ADAM22: variants seen among roughly 807,000 people sequenced by gnomAD.
ADAM22 encodes the protein ADAM metallopeptidase domain 22, also known as disintegrin and metalloproteinase domain-containing protein 22.
In ADAM22, 65 loss-of-function variants were observed where a neutral mutation model predicts 144.6. That is an observed-to-expected ratio of 0.45 (90% CI 0.37 to 0.55). The LOEUF (loss-of-function observed/expected upper bound fraction) is 0.55, where lower values mean the gene tolerates loss of function less well. ADAM22 is among the 20% of genes least tolerant of loss of function. ADAM22 has a pLI of 0.00. For synonymous variants in ADAM22, 391 were observed against 412.6 expected, an observed-to-expected ratio of 0.95 and a Z score of 0.63; for missense variants, 974 against 1,184.9, an observed-to-expected ratio of 0.82 and a Z score of 2.61.
chr7:88,138,225 A>C (rs1309351286), intron 14 of ADAM22, among the ~76,000 whole-genome samples: 1 of 152,230 alleles, frequency 6.6e-6, no homozygotes, highest in Non-Finnish European at 1.5e-5. Flanking sequence ...AGGAAATGAT[A>C]AAAGTTCTAT....
chr7:88,053,473 A>G (rs1305327121), intron 3 of ADAM22, among the ~76,000 whole-genome samples: 1 of 146,148 alleles, frequency 6.8e-6, no homozygotes, highest in Non-Finnish European at 1.6e-5. Context: ...TCTCTCTCAA[A>G]ATAATAATAA....
rs1184132930 is a variant in ADAM22 at position 88,197,192 on chromosome 7, A to G, written c.*701A>G. On this transcript the variant is annotated 3_prime_UTR_variant, in exon 32 of 32. Transcript: ENST00000413139. ...GCCAAATGCCTAAAAATTCCGTCAC[A>G]ATCACATCATCGTCATCCATCCAGT... is the stretch of plus-strand genomic sequence containing the variant. The G allele has an allele frequency of 6.6e-6, 1 of 152,404 alleles. No individual in the cohort carries two copies. 9.4% of individuals were successfully genotyped at this position (152,404 alleles called of 1,614,324 possible). A position where few individuals can be genotyped will look rare whatever the true frequency, so the allele number is the denominator to read the frequency against.
In ADAM22 at chr7:88,196,803, C is replaced by A; in HGVS notation, c.*312C>A. On this transcript the variant is annotated 3_prime_UTR_variant, in exon 32 of 32. Coordinates refer to ENST00000413139, the MANE Select transcript of ADAM22 (RefSeq NM_001324418.2). ...TAGAAATATTCATAAAGTTAACTCA[C>A]ATGACCCAAATGTAGCAAGTTTCCT... 2.8e-6 allele frequency: 1 copy of A among 351,608 alleles called. No homozygotes were observed. 21.8% of individuals were successfully genotyped at this position (351,608 alleles called of 1,614,324 possible). A position where few individuals can be genotyped will look rare whatever the true frequency, so the allele number is the denominator to read the frequency against.
Position 88,130,472 on chromosome 7 carries a change from C to T in ADAM22, c.825+13C>T. 1 of 1,607,620 alleles carries T rather than the reference C, an allele frequency of 6.2e-7. No homozygotes were observed. The highest frequency in any genetic ancestry group is 8.5e-7 in the Non-Finnish European group (1 of 1,174,804). ...CATGGCAGATTTAGTAAGTATCAAC[C>T]CCGTTCATTATTGCCCTAGAAGATT... On this transcript the variant is annotated intron_variant, in intron 10 of 31. Transcript: ENST00000413139.
At chr7:88,122,513 G>T (rs541805533) in intron 7 of ADAM22, among the ~76,000 whole-genome samples, 1 of 152,242 alleles carries the variant, frequency 6.6e-6, no homozygotes, top group Non-Finnish European at 1.5e-5. Context: ...CCTTTTACCT[G>T]CAAAATACAT....
At chr7:87,984,406 A>C (rs1315079664) in intron 3 of ADAM22, among the ~76,000 whole-genome samples, 1 of 152,162 alleles carries the variant, frequency 6.6e-6, no homozygotes, top group Non-Finnish European at 1.5e-5. Context: ...CCAATGGGAA[A>C]GCTGACTAGT....
intron 3 of ADAM22, among the ~76,000 whole-genome samples, chr7:88,027,392 TAC>T (rs1391274767): frequency 6.6e-6 from 1 of 152,200 alleles, no homozygotes; most frequent in Non-Finnish European, 1.5e-5. Flanking sequence ...ACTTTTTAAT[TAC>T]AGTTTTGATC....
At chr7:87,996,319 A>G (rs563950080) in intron 3 of ADAM22, among the ~76,000 whole-genome samples, 117 of 152,366 alleles carry the variant, frequency 7.7e-4, no homozygotes, top group African/African-American at 2.5e-3. Flanking sequence ...TATTCCTTAC[A>G]GATCCAAAGG....
intron 2 of ADAM22, among the ~76,000 whole-genome samples, chr7:87,967,672 G>GT (rs1163515439): frequency 6.6e-6 from 1 of 151,898 alleles, no homozygotes; most frequent in Admixed American, 6.6e-5. Context: ...GCCAGGTATG[G>GT]TGGCGTGTGC....
intron 3 of ADAM22, among the ~76,000 whole-genome samples, chr7:87,991,459 C>T (rs569409866): frequency 8.7e-5 from 13 of 149,766 alleles, no homozygotes; most frequent in Admixed American, 6.7e-4. Context: ...CTCTGCTTCC[C>T]GGGTTCACGC....
chr7:87,972,542 C>A (rs1471946713), intron 2 of ADAM22, among the ~76,000 whole-genome samples: 2 of 152,184 alleles, frequency 1.3e-5, no homozygotes, highest in Non-Finnish European at 2.9e-5. Context: ...CCATCCCCAT[C>A]AAGCTACCAA....
At chr7:88,039,619 G>T (rs1277265977) in intron 3 of ADAM22, among the ~76,000 whole-genome samples, 1 of 150,050 alleles carries the variant, frequency 6.7e-6, no homozygotes, top group East Asian at 2.0e-4. Context: ...GCATGTGTGT[G>T]TGTGTGTGTC....
At chr7:87,992,362 C>G (rs1790113117) in intron 3 of ADAM22, among the ~76,000 whole-genome samples, 1 of 152,204 alleles carries the variant, frequency 6.6e-6, no homozygotes, top group Non-Finnish European at 1.5e-5. Flanking sequence ...GTTGGTGACT[C>G]CACTAACAAA....
At chr7:88,158,680 G>C (rs1402928741) in intron 22 of ADAM22, among the ~76,000 whole-genome samples, 1 of 151,898 alleles carries the variant, frequency 6.6e-6, no homozygotes, top group Non-Finnish European at 1.5e-5. Context: ...ATGAAATTAA[G>C]GCAGAAATCA....
At chr7:88,192,969 G>T in intron 30 of ADAM22, 147 bp from the exon 31 acceptor site, 1 of 884,584 alleles carries the variant, frequency 1.1e-6, no homozygotes, top group Non-Finnish European at 1.7e-6. Context: ...TGTTGAGAAT[G>T]ACAGAATATC....
chr7:88,072,760 A>G (rs1434166247), intron 3 of ADAM22, among the ~76,000 whole-genome samples: 1 of 152,176 alleles, frequency 6.6e-6, no homozygotes, highest in East Asian at 1.9e-4. Flanking sequence ...GCTGATAAAC[A>G]TGCCTCTGTA....
intron 7 of ADAM22, among the ~76,000 whole-genome samples, chr7:88,119,031 T>C (rs1458433461): frequency 6.6e-6 from 1 of 152,254 alleles, no homozygotes; most frequent in Non-Finnish European, 1.5e-5. Context: ...TGTTATGTTT[T>C]ATATATTTCC....
At chr7:88,155,766 G>A in intron 21 of ADAM22, 121 bp from the exon 22 acceptor site, 1 of 1,143,390 alleles carries the variant, frequency 8.7e-7, no homozygotes, top group South Asian at 1.8e-5. Flanking sequence ...ATTTCACTTG[G>A]CATATGAGTA....
rs529737324 is a variant in ADAM22, at chr7:88,143,558, A to G, written c.1320+433A>G. Among the ~76,000 whole-genome samples the G allele has an allele frequency of 7.2e-5, 11 of 152,326 alleles. 1 individual carries two copies. The highest frequency in any genetic ancestry group is 3.4e-3 in the Middle Eastern group (1 of 294). On this transcript the variant is annotated intron_variant, in intron 15 of 31. Coordinates refer to ENST00000413139, the MANE Select transcript of ADAM22 (RefSeq NM_001324418.2). Reference sequence around the variant, plus strand: ...TCTGAATGAGCAGTATGTTAAAATTACAAGTATTTCTCAGTATGAAAAACA... The same window carrying G: ...TCTGAATGAGCAGTATGTTAAAATTGCAAGTATTTCTCAGTATGAAAAACA...
Sources: allele counts gnomAD v4.1 joint callset (sites outside exome capture counted in the v4.1 genomes callset), GRCh38; gene constraint gnomAD v4.1.1; transcripts MANE v1.5; gene names NCBI Gene and HGNC (gene_info 2026-07-23, HGNC 2026-07-21).